CRPPA: variants seen among roughly 807,000 people sequenced by gnomAD.
CRPPA encodes D-ribitol-5-phosphate cytidylyltransferase.
In CRPPA, 43 loss-of-function variants were observed where a neutral mutation model predicts 52.0. The observed-to-expected ratio is 0.83, with a 90% CI of 0.65 to 1.07. The LOEUF is 1.07. CRPPA is among the 50% of genes least tolerant of loss of function. The pLI is 0.00. For synonymous variants in CRPPA, 250 were observed against 203.5 expected (o/e 1.23, Z -1.94); for missense variants, 629 against 551.7 (o/e 1.14, Z -1.40).
In CRPPA at chr7:16,215,919, TCTA is replaced by T. The variant is rs539249423; in HGVS notation, c.1251+144_1251+146del. On this transcript the variant is annotated intron_variant, in intron 9 of 9. Transcript: ENST00000407010. ...TATTTTTTTCCTAGAGGCAAGAGGT[TCTA>T]CTATTATAGCACACACATAGATGAG... 7 of 521,570 alleles carry T rather than the reference TCTA, an allele frequency of 1.3e-5. No individual in the cohort carries two copies. In the South Asian group the frequency reaches 1.9e-4, roughly 14 times the overall value. 32.3% of individuals were successfully genotyped at this position (521,570 alleles called of 1,614,324 possible). A position where few individuals can be genotyped will look rare whatever the true frequency, so the allele number is the denominator to read the frequency against.
At chr7:16,152,281 T>C (rs969826669) in intron 9 of CRPPA, among the ~76,000 whole-genome samples, 3 of 151,962 alleles carry the variant, frequency 2.0e-5, no homozygotes, top group African/African-American at 7.2e-5. Context: ...TTGATGTACA[T>C]TAAATGTGTA....
At chr7:16,379,286 G>A (rs1335047551) in intron 2 of CRPPA, among the ~76,000 whole-genome samples, 1 of 152,104 alleles carries the variant, frequency 6.6e-6, no homozygotes, top group Non-Finnish European at 1.5e-5. Context: ...ATTTGTCAAA[G>A]ATCAGATAGT....
chr7:16,288,932 T>G (rs527495599), intron 5 of CRPPA, among the ~76,000 whole-genome samples: 3 of 150,138 alleles, frequency 2.0e-5, no homozygotes, highest in Non-Finnish European at 3.0e-5. Flanking sequence ...TGAAGTTTGG[T>G]TGTAAACCAC....
At chr7:16,233,159 CA>C (rs1048727701) in intron 8 of CRPPA, among the ~76,000 whole-genome samples, 7 of 151,566 alleles carry the variant, frequency 4.6e-5, no homozygotes, top group African/African-American at 1.7e-4. Flanking sequence ...AAAAAGAAGG[CA>C]AAAAGAGGAA....
At chr7:16,204,398 A>C (rs1186491935) in intron 9 of CRPPA, among the ~76,000 whole-genome samples, 5 of 152,268 alleles carry the variant, frequency 3.3e-5, no homozygotes, top group Admixed American at 3.3e-4. Flanking sequence ...CCAAGTTTTC[A>C]GTTATTAGTG....
At chr7:16,167,308 A>AC (rs1781089180) in intron 9 of CRPPA, among the ~76,000 whole-genome samples, 2 of 152,054 alleles carry the variant, frequency 1.3e-5, no homozygotes, top group Admixed American at 1.3e-4. Context: ...ACTATTTCCT[A>AC]CCTGTTTGGG....
At chr7:16,268,741 G>A (rs777309448) in intron 6 of CRPPA, 9 of 152,032 alleles carry the variant, frequency 5.9e-5, no homozygotes, top group African/African-American at 9.6e-5. Flanking sequence ...AGAATCTTAC[G>A]GTAGAGTCTA....
chr7:16,361,907 C>T (rs940300388), intron 3 of CRPPA, among the ~76,000 whole-genome samples: 1 of 152,050 alleles, frequency 6.6e-6, no homozygotes, highest in African/African-American at 2.4e-5. Flanking sequence ...CAGGCTGGAG[C>T]GCAGTGGCTC....
At chr7:16,353,936 T>C (rs1786227211) in intron 3 of CRPPA, among the ~76,000 whole-genome samples, 1 of 152,160 alleles carries the variant, frequency 6.6e-6, no homozygotes, top group African/African-American at 2.4e-5. Context: ...GATTTCATCA[T>C]TCCACAATGA....
chr7:16,099,765 T>G (rs1003435805), intron 9 of CRPPA, among the ~76,000 whole-genome samples: 8 of 152,234 alleles, frequency 5.3e-5, no homozygotes, highest in Non-Finnish European at 8.8e-5. Flanking sequence ...ACATTTTATT[T>G]TCTTAAATCA....
intron 8 of CRPPA, among the ~76,000 whole-genome samples, chr7:16,248,983 C>T (rs772360168): frequency 2.0e-5 from 3 of 152,172 alleles, no homozygotes; most frequent in Non-Finnish European, 4.4e-5. Flanking sequence ...TTGAAATTCT[C>T]GCTGCTAGTA....
At chr7:16,401,868 A>ATAT (rs138185771) in intron 2 of CRPPA, among the ~76,000 whole-genome samples, 3 of 152,074 alleles carry the variant, frequency 2.0e-5, no homozygotes, top group African/African-American at 7.3e-5. Context: ...TCATTAAAAA[A>ATAT]ATATATATAT....
In CRPPA at chr7:16,216,131, C is replaced by G; in HGVS notation, c.1186G>C (p.Glu396Gln). 1.3e-6 allele frequency: 2 copies of G among 1,591,906 alleles called. No homozygotes were observed. Reference sequence around the variant, plus strand: ...CTTTCTTTTACTTCCTTTGCAAATTCTCTAATCTGCATTAGGTTTTCCATT... The same window carrying G: ...CTTTCTTTTACTTCCTTTGCAAATTGTCTAATCTGCATTAGGTTTTCCATT... Reference protein sequence around the residue: ...QKMENLMQIREFAKEVKERNI... With the variant: ...QKMENLMQIRQFAKEVKERNI... The change falls in exon 9 of 10, where the codon GAA (glutamate) becomes CAA (glutamine). Residue 396 changes from glutamate (E) to glutamine (Q), a missense_variant. Coordinates refer to ENST00000407010, the MANE Select transcript of CRPPA (RefSeq NM_001101426.4).
chr7:16,330,418 C>T (rs10950610), intron 3 of CRPPA, among the ~76,000 whole-genome samples: 5 of 152,044 alleles, frequency 3.3e-5, no homozygotes, highest in Admixed American at 2.0e-4. Flanking sequence ...CTCTTATATC[C>T]GTAAGAGAAG....
At chr7:16,222,683 T>A (rs1465159408) in intron 8 of CRPPA, among the ~76,000 whole-genome samples, 2 of 152,126 alleles carry the variant, frequency 1.3e-5, no homozygotes, top group East Asian at 3.9e-4. Context: ...TTCAATGTGA[T>A]CAATAATTGT....
intron 9 of CRPPA, among the ~76,000 whole-genome samples, chr7:16,177,355 T>C (rs948011405): frequency 1.3e-5 from 2 of 152,140 alleles, no homozygotes; most frequent in African/African-American, 2.4e-5. Flanking sequence ...ATGAAGTATA[T>C]AATATGTCCT....
intron 2 of CRPPA, among the ~76,000 whole-genome samples, chr7:16,394,144 T>C (rs1180281940): frequency 6.6e-6 from 1 of 152,112 alleles, no homozygotes; most frequent in Non-Finnish European, 1.5e-5. Flanking sequence ...AACCTACACA[T>C]GTCAGAACTG....
chr7:16,154,902 G>C (rs1583394686), intron 9 of CRPPA, among the ~76,000 whole-genome samples: 2 of 150,400 alleles, frequency 1.3e-5, no homozygotes, highest in East Asian at 3.9e-4. Flanking sequence ...CTGTCCCCCA[G>C]GTTCAAGCAA....
At chr7:16,213,985 T>C (rs1167037296) in intron 9 of CRPPA, among the ~76,000 whole-genome samples, 1 of 152,196 alleles carries the variant, frequency 6.6e-6, no homozygotes, top group African/African-American at 2.4e-5. Context: ...TTATTTTACA[T>C]GAGTTACTGA....
Sources: allele counts gnomAD v4.1 joint callset (sites outside exome capture counted in the v4.1 genomes callset), GRCh38; gene constraint gnomAD v4.1.1; transcripts MANE v1.5; gene names NCBI Gene and HGNC (gene_info 2026-07-23, HGNC 2026-07-21).